Variants in FER1L5 observed in about 807,000 individuals in gnomAD.
FER1L5 encodes the protein fer-1 like family member 5.
FER1L5 carries 187 observed loss-of-function variants against 279.9 expected under a neutral mutation model. The ratio of observed to expected loss-of-function variants is 0.67; its 90% CI spans 0.59 to 0.75. The LOEUF (loss-of-function observed/expected upper bound fraction) is 0.75. FER1L5 is among the 30% of genes least tolerant of loss of function. The probability of loss-of-function intolerance (pLI) is 0.00; values close to 1 mark genes in which losing one functional copy is unlikely to be tolerated. For synonymous variants in FER1L5, 921 were observed against 989.7 expected (o/e 0.93, Z 1.30); for missense variants, 2,091 against 2,594.4 (o/e 0.81, Z 4.21).
intron 45 of FER1L5, among the ~76,000 whole-genome samples, chr2:96,701,368 A>T (rs1454030880): frequency 6.6e-6 from 1 of 152,202 alleles, no homozygotes; most frequent in East Asian, 1.9e-4. Flanking sequence ...TCAACTTCAG[A>T]AGAATATAAT....
chr2:96,696,782 G>T (rs558512635), intron 37 of FER1L5, among the ~76,000 whole-genome samples: 1 of 152,250 alleles, frequency 6.6e-6, no homozygotes, highest in Admixed American at 6.5e-5. Flanking sequence ...GTGCATACCT[G>T]TAATTCTAGC....
Position 96,692,093 on chromosome 2 carries a change from T to C in FER1L5, c.3215-11T>C, listed in dbSNP as rs1238602303. ...TGGGGCAGGTGACAGGCATGGCTTC[T>C]CTTTCCCCAGAGCCCCACTACTACC... On this transcript the variant is annotated splice_polypyrimidine_tract_variant and intron_variant, in intron 30 of 52. Transcript: ENST00000624922. 2 of 1,551,244 alleles carry C rather than the reference T, an allele frequency of 1.3e-6. No individual in the cohort carries two copies. The highest frequency in any genetic ancestry group is 2.7e-5 in the African/African-American group (2 of 72,942).
At chr2:96,665,002 T>C (rs921200586) in intron 14 of FER1L5, among the ~76,000 whole-genome samples, 1 of 152,218 alleles carries the variant, frequency 6.6e-6, no homozygotes, top group African/African-American at 2.4e-5. Flanking sequence ...GCTTTCTTTT[T>C]GGGGTTCTGT....
At chr2:96,684,795 A>G (rs1244217557) in intron 20 of FER1L5, among the ~76,000 whole-genome samples, 1 of 152,076 alleles carries the variant, frequency 6.6e-6, no homozygotes, top group Non-Finnish European at 1.5e-5. Context: ...GGTGTGCACA[A>G]AGGAGATGAC....
chr2:96,682,286 T>C (rs1288447085), intron 19 of FER1L5, among the ~76,000 whole-genome samples: 1 of 152,120 alleles, frequency 6.6e-6, no homozygotes, highest in Non-Finnish European at 1.5e-5. Flanking sequence ...GAGACAGAGT[T>C]TCGCCATGTT....
intron 1 of FER1L5, among the ~76,000 whole-genome samples, chr2:96,643,404 C>G (rs1305361679): frequency 6.6e-6 from 1 of 152,106 alleles, no homozygotes; most frequent in East Asian, 1.9e-4. Context: ...GGCTACAGTG[C>G]AGTGGTGTGA....
chr2:96,667,382 T>A (rs2076162920), intron 14 of FER1L5, among the ~76,000 whole-genome samples: 1 of 151,526 alleles, frequency 6.6e-6, no homozygotes, highest in African/African-American at 2.4e-5. Flanking sequence ...AGTTTCGCTC[T>A]TGTTGCCTAG....
At chr2:96,676,117 A>C (rs2076501603) in intron 19 of FER1L5, among the ~76,000 whole-genome samples, 1 of 152,240 alleles carries the variant, frequency 6.6e-6, no homozygotes. Context: ...ATTTTTCTCT[A>C]TACAGATAAC....
intron 9 of FER1L5, 44 bp downstream of exon 9, chr2:96,654,540 A>C: frequency 2.5e-6 from 1 of 398,842 alleles, no homozygotes; most frequent in Non-Finnish European, 4.4e-6. Context: ...ACAGTTATTA[A>C]AACAGAGACC....
At position 96,702,910 on chromosome 2, in the gene FER1L5, C is replaced by A; in HGVS notation, c.5398-68C>A. ...TAGTCTATCACTGCTGGGTGGAGGG[C>A]CACTGAGGGGTGCAAGGGAAACGTC... On this transcript the variant is annotated intron_variant, in intron 48 of 52. Coordinates refer to ENST00000624922, the MANE Select transcript of FER1L5 (RefSeq NM_001293083.2). The surrounding 1 kb of genome is among the most constrained non-coding windows in gnomAD (Gnocchi z 4.0). The A allele has an allele frequency of 1.3e-6, 2 of 1,545,050 alleles. No individual in the cohort carries two copies. Among genetic ancestry groups the A allele is most frequent in the Non-Finnish European group, 1.8e-6 (2 of 1,137,894 alleles).
chr2:96,689,847 G>C lies in FER1L5; in HGVS notation c.2640+89G>C. ...GAAGCTGGGGGTCCCAGTGGAAAGGGTCTGAGCCCTATGCCCTGCACTATG... is the reference window on the plus strand; with the variant it reads ...GAAGCTGGGGGTCCCAGTGGAAAGGCTCTGAGCCCTATGCCCTGCACTATG... On this transcript the variant is annotated intron_variant, in intron 26 of 52. Transcript: ENST00000624922. This position sits in a 1 kb window ranked among gnomAD's most constrained non-coding sequence, Gnocchi z 4.6. The C allele has an allele frequency of 8.6e-7, 1 of 1,160,320 alleles. No individual in the cohort carries two copies. Among genetic ancestry groups the C allele is most frequent in the South Asian group, 1.6e-5 (1 of 63,544 alleles). The allele number at this position is 1,160,320 out of a possible 1,614,324, so 71.9% of individuals were successfully genotyped here. A position where few individuals can be genotyped will look rare whatever the true frequency, so the allele number is the denominator to read the frequency against.
chr2:96,656,957 G>A (rs985733766), intron 9 of FER1L5, among the ~76,000 whole-genome samples: 15 of 151,628 alleles, frequency 9.9e-5, no homozygotes, highest in Non-Finnish European at 1.2e-4. Context: ...ATGTCTGCTG[G>A]TCTCTCATTT....
intron 14 of FER1L5, among the ~76,000 whole-genome samples, chr2:96,664,299 C>G (rs1332446960): frequency 6.6e-6 from 1 of 152,042 alleles, no homozygotes; most frequent in Non-Finnish European, 1.5e-5. Flanking sequence ...CTATCACCTC[C>G]AAAAGTTGCC....
chr2:96,686,095 G>T lies in FER1L5; in HGVS notation c.2051G>T (p.Arg684Leu). Reference sequence around the variant, plus strand: ...GCCACAGCGGAGGACTGGCTGTACCGCCTCAACACCGTGCTCCCTGAGGTG... The same window carrying T: ...GCCACAGCGGAGGACTGGCTGTACCTCCTCAACACCGTGCTCCCTGAGGTG... ...MVATAEDWLY[R>L]LNTVLPEPQM... Residue 684 changes from arginine (R) to leucine (L), a missense_variant, in exon 22 of 53, where the codon CGC becomes CTC. Arg to Leu is a moderately radical substitution (Grantham distance 102, BLOSUM62 -2). Transcript: ENST00000624922. 1 of 1,551,194 alleles carries T rather than the reference G, an allele frequency of 6.4e-7. No individual in the cohort carries two copies. The highest frequency in any genetic ancestry group is 8.7e-7 in the Non-Finnish European group (1 of 1,146,756).
intron 9 of FER1L5, among the ~76,000 whole-genome samples, chr2:96,657,666 T>C (rs2075653109): frequency 6.6e-6 from 1 of 152,198 alleles, no homozygotes; most frequent in African/African-American, 2.4e-5. Flanking sequence ...TATTAATAGA[T>C]AAGTATTTCC....
chr2:96,644,322 CA>C (rs34746480), intron 1 of FER1L5, among the ~76,000 whole-genome samples: 136 of 136,080 alleles, frequency 1.0e-3, no homozygotes, highest in Middle Eastern at 4.5e-3. Flanking sequence ...ACTAAAAATA[CA>C]AAAAAAAAAA....
chr2:96,667,264 C>G (rs1277125078), intron 14 of FER1L5, among the ~76,000 whole-genome samples: 1 of 152,074 alleles, frequency 6.6e-6, no homozygotes, highest in Non-Finnish European at 1.5e-5. Context: ...TTAGGAGAGC[C>G]CACTCAGCTG....
Position 96,670,190 on chromosome 2 carries a change from C to G in FER1L5, c.1434C>G (p.Ile478Met), listed in dbSNP as rs1279322667. ...GRVFLELITQ[I>M]KSYQDSTIKD... is the part of the protein sequence containing the mutation. ...TCTTCCTGGAGTTAATCACCCAAAT[C>G]AAGTCCTATCAAGACTCCACGATAA... The change falls in exon 18 of 53, where the codon ATC becomes ATG. Residue 478 changes from isoleucine to methionine, a missense_variant. Physicochemically the swap from Ile to Met is conservative, Grantham distance 10 (BLOSUM62 1). Coordinates refer to ENST00000624922, the MANE Select transcript of FER1L5 (RefSeq NM_001293083.2). The G allele has an allele frequency of 6.4e-7, 1 of 1,551,488 alleles. No homozygotes were observed. Among genetic ancestry groups the G allele is most frequent in the African/African-American group, 1.4e-5 (1 of 73,006 alleles).
At chr2:96,664,354 C>T (rs564254444) in intron 14 of FER1L5, among the ~76,000 whole-genome samples, 62 of 152,262 alleles carry the variant, frequency 4.1e-4, no homozygotes, top group Middle Eastern at 6.8e-3. Context: ...ATTCCACCCC[C>T]TCCCATCCCC....
Sources: allele counts gnomAD v4.1 joint callset (sites outside exome capture counted in the v4.1 genomes callset), GRCh38; gene constraint gnomAD v4.1.1; non-coding constraint Gnocchi (gnomAD v3.1); transcripts MANE v1.5; gene names NCBI Gene and HGNC (gene_info 2026-07-23, HGNC 2026-07-21).